AKNA: variants seen among roughly 807,000 people sequenced by gnomAD.
The protein encoded by AKNA is AT-hook transcription factor.
AKNA carries 67 observed loss-of-function variants against 138.8 expected under a neutral mutation model. That is an observed-to-expected ratio of 0.48 (90% CI 0.40 to 0.59). The LOEUF (loss-of-function observed/expected upper bound fraction) is 0.59, where lower values mean the gene tolerates loss of function less well. AKNA is among the 20% of genes least tolerant of loss of function. The pLI is 0.00. For synonymous variants in AKNA, 737 were observed against 754.4 expected (o/e 0.98, Z 0.38); for missense variants, 1,813 against 1,880.4 (o/e 0.96, Z 0.66).
rs765012739 is a variant in AKNA, at chr9:114,362,510, G to A, written c.1812C>T (p.Ala604=). 6.5e-5 allele frequency: 105 copies of A among 1,613,262 alleles called. No homozygotes were observed. The highest frequency in any genetic ancestry group is 2.2e-5 in the East Asian group (1 of 44,878). ...QVKGFQRLKA[A]HAALEEEYLK... is the part of the protein sequence containing the mutation. The stretch of plus-strand genomic sequence containing the variant: ...GGTACTCCTCCTCTAGGGCCGCGTG[G>A]GCAGCCTTCAGCCGCTGGAAGCCCT... Residue 604 remains alanine, a synonymous_variant, in exon 8 of 22, where the codon GCC becomes GCT. Coordinates refer to ENST00000374088, the MANE Select transcript of AKNA (RefSeq NM_001317950.2).
At chr9:114,391,963 C>T (rs924889915), upstream of AKNA, among the ~76,000 whole-genome samples, 1 of 149,784 alleles carries the variant, frequency 6.7e-6, no homozygotes, top group East Asian at 2.0e-4. Context: ...CAGTCATGTG[C>T]ATGGCTGTGT....
chr9:114,376,699 A>G lies in AKNA; in HGVS notation c.1108T>C (p.Phe370Leu), dbSNP rs550588077. 1 of 1,612,746 alleles carries G rather than the reference A, an allele frequency of 6.2e-7. No homozygotes were observed. The highest frequency in any genetic ancestry group is 1.7e-4 in the Middle Eastern group (1 of 6,048). The change falls in exon 3 of 22, where the codon TTC becomes CTC. Residue 370 changes from phenylalanine to leucine, a missense_variant. Physicochemically the swap from Phe to Leu is conservative, Grantham distance 22. Coordinates refer to ENST00000374088, the MANE Select transcript of AKNA (RefSeq NM_001317950.2). ...GGACGGTAGCTCTCATCTTTGGGGAATCTCACCCGGGGCCCTACCTTGGAG... is the reference window on the plus strand; with the variant it reads ...GGACGGTAGCTCTCATCTTTGGGGAGTCTCACCCGGGGCCCTACCTTGGAG... Reference protein sequence around the residue: ...DFSKVGPRVRFPKDESYRPPK... With the variant: ...DFSKVGPRVRLPKDESYRPPK...
At chr9:114,378,123 C>T (rs1833375958) in intron 2 of AKNA, among the ~76,000 whole-genome samples, 1 of 152,158 alleles carries the variant, frequency 6.6e-6, no homozygotes, top group South Asian at 2.1e-4. Context: ...CATTAGCTCT[C>T]CTGATCCATC....
At chr9:114,384,211 C>T (rs900134797) in intron 1 of AKNA, among the ~76,000 whole-genome samples, 3 of 152,142 alleles carry the variant, frequency 2.0e-5, no homozygotes, top group Non-Finnish European at 2.9e-5. Context: ...TTTGCTCGAA[C>T]ACATCACGCT....
chr9:114,374,069 C>T (rs767131452), intron 4 of AKNA, 24 bp downstream of exon 4: 1 of 1,552,248 alleles, frequency 6.4e-7, no homozygotes, highest in Non-Finnish European at 8.7e-7. Context: ...GGGCCCATGC[C>T]TCCACCCCAT....
In AKNA at chr9:114,359,641, T is replaced by G. The variant is rs753542874; in HGVS notation, c.2445A>C (p.Pro815=). The G allele has an allele frequency of 6.2e-7, 1 of 1,614,132 alleles. No homozygotes were observed. The highest frequency in any genetic ancestry group is 8.5e-7 in the Non-Finnish European group (1 of 1,179,992). The part of the protein sequence containing the change: ...PGKAEATRVL[P]RQCPVQAEKS... ...TCTCAGCCTGCACCGGGCACTGCCT[T>G]GGGAGGACCCTGGTGGCCTCTGCTT... Residue 815 remains proline, a synonymous_variant, in exon 11 of 22, where the codon CCA becomes CCC. Coordinates refer to ENST00000374088, the MANE Select transcript of AKNA (RefSeq NM_001317950.2).
chr9:114,374,961 T>C (rs139182684), intron 3 of AKNA, among the ~76,000 whole-genome samples: 328 of 152,304 alleles, frequency 2.2e-3, no homozygotes, highest in African/African-American at 7.0e-3. Flanking sequence ...ATGAGAGCAT[T>C]AGCATACTAC....
chr9:114,375,578 A>G lies in AKNA; in HGVS notation c.1341+888T>C, dbSNP rs558079200. On this transcript the variant is annotated intron_variant, in intron 3 of 21. Transcript: ENST00000374088. ...ACCATGGTATGTGGTTATGTTTAAT[A>G]TAAGGTCTTTATCTTTAGACATACA... Among the ~76,000 whole-genome samples the G allele has an allele frequency of 7.9e-5, 12 of 152,318 alleles. No homozygotes were observed. In the South Asian group the frequency reaches 2.3e-3, roughly 29 times the overall value.
intron 14 of AKNA, among the ~76,000 whole-genome samples, chr9:114,354,712 CA>C (rs1214629422): frequency 0.13 from 8,283 of 66,224 alleles, 348 homozygotes; most frequent in African/African-American, 0.24. Flanking sequence ...GACTCTGTCT[CA>C]AAAAAAAAAA....
In AKNA at chr9:114,356,978, G is replaced by T; in HGVS notation, c.2740-9C>A. 1 of 1,580,078 alleles carries T rather than the reference G, an allele frequency of 6.3e-7. No homozygotes were observed. Among genetic ancestry groups the T allele is most frequent in the Non-Finnish European group, 8.6e-7 (1 of 1,166,474 alleles). On this transcript the variant is annotated splice_polypyrimidine_tract_variant and intron_variant, in intron 12 of 21. Transcript: ENST00000374088. ...GACGCCATCCAGGTCTCCTGAAAGA[G>T]GCAGTATCCCTTTATGTCTGAGGAA... is the stretch of plus-strand genomic sequence containing the variant.
chr9:114,385,249 C>T (rs575961050), intron 1 of AKNA, among the ~76,000 whole-genome samples: 1 of 152,286 alleles, frequency 6.6e-6, no homozygotes, highest in African/African-American at 2.4e-5. Context: ...GGATCTTAAG[C>T]TTCAGTGTGC....
intron 18 of AKNA, 77 bp from the exon 19 acceptor site, chr9:114,343,880 TCTC>T (rs1830515808): frequency 7.7e-7 from 1 of 1,293,028 alleles, no homozygotes; most frequent in African/African-American, 1.5e-5. Flanking sequence ...GGAATAATGA[TCTC>T]CTCTTCCTCC....
At chr9:114,369,646 G>A (rs1027502280) in intron 4 of AKNA, among the ~76,000 whole-genome samples, 6 of 151,260 alleles carry the variant, frequency 4.0e-5, no homozygotes, top group Non-Finnish European at 7.4e-5. Flanking sequence ...CACCACCACC[G>A]TCATCACCAC....
intron 2 of AKNA, among the ~76,000 whole-genome samples, chr9:114,380,255 C>T (rs1833540405): frequency 6.6e-6 from 1 of 152,100 alleles, no homozygotes; most frequent in African/African-American, 2.4e-5. Flanking sequence ...ATATTAATGA[C>T]ATTCATCACT....
chr9:114,376,111 G>A (rs1554843000), intron 3 of AKNA: 1 of 202,552 alleles, frequency 4.9e-6, no homozygotes, highest in South Asian at 3.3e-5. Context: ...TCCTACCCCA[G>A]CCAGCCTCCA....
chr9:114,340,077 C>T lies in AKNA; in HGVS notation c.4067+1456G>A, dbSNP rs188270856. On this transcript the variant is annotated intron_variant, in intron 21 of 21. Transcript: ENST00000374088. ...TGGCGCCACTGCACTCCAGCCTGGG[C>T]GACAAAGCCAGACCCTGTCTCAGAA... Among the ~76,000 whole-genome samples, 231 of 152,228 alleles carry T rather than the reference C, an allele frequency of 1.5e-3. 1 individual carries two copies. Among genetic ancestry groups the T allele is most frequent in the African/African-American group, 4.4e-3 (182 of 41,540 alleles).
chr9:114,330,849 C>G (rs146230347), downstream of AKNA: 2 of 1,613,772 alleles, frequency 1.2e-6, no homozygotes, highest in Non-Finnish European at 8.5e-7. Context: ...AGAATGGGAC[C>G]GTCTCCAGAT....
intron 18 of AKNA, chr9:114,344,112 C>T (rs904463904): frequency 2.3e-5 from 6 of 262,884 alleles, no homozygotes; most frequent in African/African-American, 1.1e-4. Flanking sequence ...GCAACCAACA[C>T]ACCCAGGCTA....
At chr9:114,354,004 T>C (rs1006664220) in intron 14 of AKNA, among the ~76,000 whole-genome samples, 7 of 152,216 alleles carry the variant, frequency 4.6e-5, no homozygotes, top group Non-Finnish European at 1.0e-4. Context: ...TTACAACATT[T>C]ATACAAAAGT....
Sources: allele counts gnomAD v4.1 joint callset (sites outside exome capture counted in the v4.1 genomes callset), GRCh38; gene constraint gnomAD v4.1.1; transcripts MANE v1.5; gene names NCBI Gene and HGNC (gene_info 2026-07-23, HGNC 2026-07-21).